CELF2: variants seen among roughly 807,000 people sequenced by gnomAD.
CELF2 encodes the protein CUGBP Elav-like family member 2.
A neutral mutation model predicts 62.6 loss-of-function variants in CELF2; 8 were observed. The ratio of observed to expected loss-of-function variants is 0.13; its 90% CI spans 0.07 to 0.23. The LOEUF (loss-of-function observed/expected upper bound fraction) is 0.23. Among genes scored for constraint, CELF2 ranks in the 10% least tolerant of loss-of-function variants. CELF2 has a pLI of 1.00. For missense variants in CELF2, 333 were observed against 671.0 expected (o/e 0.50, Z 5.56); for synonymous variants, 258 against 250.0 (o/e 1.03, Z -0.30).
At chr10:11,020,691 C>T (rs2058169319) in intron 1 of CELF2, among the ~76,000 whole-genome samples, 1 of 152,054 alleles carries the variant, frequency 6.6e-6, no homozygotes, top group Admixed American at 6.5e-5. Context: ...GGCGTTTTCC[C>T]ACGAGAATAT....
At chr10:10,550,644 C>A in the CELF2 span, among the ~76,000 whole-genome samples, 15,998 of 151,262 alleles carry the variant, frequency 0.11, 1,283 homozygotes, top group African/African-American at 0.22. Flanking sequence ...CTGGATCCTG[C>A]CATGGGGTGA....
At chr10:10,964,074 A>G (rs1057038698) in intron 2 of CELF2, among the ~76,000 whole-genome samples, 5 of 152,236 alleles carry the variant, frequency 3.3e-5, no homozygotes, top group Non-Finnish European at 5.9e-5. Flanking sequence ...CAATATTAGC[A>G]TTATAAAGCA....
At position 11,306,584 on chromosome 10, in the gene CELF2, G is replaced by A. The variant is rs2094224834; in HGVS notation, c.977-7555G>A. Among the ~76,000 whole-genome samples the A allele has an allele frequency of 6.6e-6, 1 of 152,152 alleles. No homozygotes were observed. The highest frequency in any genetic ancestry group is 2.1e-4 in the South Asian group (1 of 4,830). On this transcript the variant is annotated intron_variant, in intron 9 of 12. Coordinates refer to ENST00000633077, the MANE Select transcript of CELF2 (RefSeq NM_001326342.2). This position sits in a 1 kb window ranked among gnomAD's most constrained non-coding sequence, Gnocchi z 4.4. ...GTTAACATTCAGAAGGTTCTTAAAG[G>A]TGGCTAAATGTACAATAAAACTACC...
chr10:10,788,655 G>A, the CELF2 span, among the ~76,000 whole-genome samples: 1 of 151,628 alleles, frequency 6.6e-6, no homozygotes, highest in African/African-American at 2.4e-5. Context: ...TACAGATGGG[G>A]TTTCGCCACA....
intron 2 of CELF2, among the ~76,000 whole-genome samples, chr10:10,925,476 G>A (rs561502263): frequency 6.6e-5 from 10 of 152,052 alleles, no homozygotes; most frequent in African/African-American, 2.2e-4. Context: ...GAAAACAGAC[G>A]GACACCATCT....
At chr10:11,295,699 C>T (rs1189512541) in intron 9 of CELF2, among the ~76,000 whole-genome samples, 1 of 152,184 alleles carries the variant, frequency 6.6e-6, no homozygotes, top group African/African-American at 2.4e-5. Context: ...ACACACAAAC[C>T]AGGTGGTTTG....
chr10:10,855,026 G>T (rs1454864507), intron 1 of CELF2, among the ~76,000 whole-genome samples: 1 of 152,158 alleles, frequency 6.6e-6, no homozygotes, highest in Non-Finnish European at 1.5e-5. Flanking sequence ...ATCTTCACCT[G>T]CTGGGGAACT....
intron 1 of CELF2, among the ~76,000 whole-genome samples, chr10:11,076,025 ACTCT>A (rs1247969822): frequency 6.6e-6 from 1 of 152,006 alleles, no homozygotes; most frequent in Non-Finnish European, 1.5e-5. Context: ...CATTAGTTTA[ACTCT>A]CTCTTGAATT....
At chr10:10,688,525 C>G in the CELF2 span, among the ~76,000 whole-genome samples, 38 of 152,304 alleles carry the variant, frequency 2.5e-4, no homozygotes, top group South Asian at 1.9e-3. Flanking sequence ...AATTGAATAG[C>G]TGATGCATGT....
the CELF2 span, among the ~76,000 whole-genome samples, chr10:10,562,292 G>A: frequency 6.6e-6 from 1 of 152,168 alleles, no homozygotes; most frequent in Non-Finnish European, 1.5e-5. Context: ...TATGACTTCT[G>A]CAGACAGGCT....
chr10:11,074,809 T>C (rs1271254843), intron 1 of CELF2: 1 of 152,148 alleles, frequency 6.6e-6, no homozygotes, highest in African/African-American at 2.4e-5. Context: ...CCTAGGAAAA[T>C]ATCCATTTCC....
chr10:10,494,975 T>A, the CELF2 span, among the ~76,000 whole-genome samples: 2 of 152,136 alleles, frequency 1.3e-5, no homozygotes, highest in Admixed American at 1.3e-4. Context: ...CTGTGTCCCA[T>A]CAAAAATTTA....
At chr10:10,572,519 C>A in the CELF2 span, among the ~76,000 whole-genome samples, 1 of 151,916 alleles carries the variant, frequency 6.6e-6, no homozygotes, top group Non-Finnish European at 1.5e-5. Context: ...CCCCACCTCC[C>A]CTGACAAGCC....
In CELF2 at chr10:11,309,656, G is replaced by C. The variant is rs767229773; in HGVS notation, c.977-4483G>C. 6.6e-6 allele frequency among the ~76,000 whole-genome samples: 1 copy of C among 152,110 alleles called. No homozygotes were observed. The highest frequency in any genetic ancestry group is 1.5e-5 in the Non-Finnish European group (1 of 68,014). ...GCTCTGACTGTGGCTGGGCCCTTTC[G>C]TAGGGGTGCTCTTTCGGCCAGTCCT... On this transcript the variant is annotated intron_variant, in intron 9 of 12. Coordinates refer to ENST00000633077, the MANE Select transcript of CELF2 (RefSeq NM_001326342.2). The surrounding 1 kb of genome is among the most constrained non-coding windows in gnomAD (Gnocchi z 5.6).
At chr10:10,727,408 C>T in the CELF2 span, among the ~76,000 whole-genome samples, 1 of 152,164 alleles carries the variant, frequency 6.6e-6, no homozygotes, top group African/African-American at 2.4e-5. Flanking sequence ...TATATTGATA[C>T]GGAACTAAAC....
At chr10:10,949,098 AG>A (rs2048020997) in intron 2 of CELF2, among the ~76,000 whole-genome samples, 1 of 152,148 alleles carries the variant, frequency 6.6e-6, no homozygotes, top group African/African-American at 2.4e-5. Flanking sequence ...GAGAGAGAGA[AG>A]GGAAATTCAG....
the CELF2 span, among the ~76,000 whole-genome samples, chr10:10,608,522 G>A: frequency 6.6e-6 from 1 of 152,140 alleles, no homozygotes; most frequent in Admixed American, 6.5e-5. Context: ...GATAGCTCTG[G>A]GAGCCAGATT....
chr10:11,123,676 G>T (rs938005994), intron 1 of CELF2, among the ~76,000 whole-genome samples: 5 of 152,306 alleles, frequency 3.3e-5, no homozygotes, highest in African/African-American at 1.2e-4. Context: ...GCTCTTTGCA[G>T]AAAAGAGCCT....
At chr10:10,637,793 C>A in the CELF2 span, among the ~76,000 whole-genome samples, 1 of 152,124 alleles carries the variant, frequency 6.6e-6, no homozygotes. Context: ...TTGTCAGCCC[C>A]GTTTGGTCCT....
Sources: allele counts gnomAD v4.1 joint callset (sites outside exome capture counted in the v4.1 genomes callset), GRCh38; gene constraint gnomAD v4.1.1; non-coding constraint Gnocchi (gnomAD v3.1); transcripts MANE v1.5; gene names NCBI Gene and HGNC (gene_info 2026-07-23, HGNC 2026-07-21).